Variants in SIK3 observed in about 807,000 individuals in gnomAD.
SIK3 encodes the protein serine/threonine-protein kinase SIK3.
A neutral mutation model predicts 144.2 loss-of-function variants in SIK3; 28 were observed. The observed-to-expected ratio is 0.19, with a 90% CI of 0.14 to 0.27. The LOEUF (loss-of-function observed/expected upper bound fraction) is 0.27, where lower values mean the gene tolerates loss of function less well. Among genes scored for constraint, SIK3 ranks in the 10% least tolerant of loss-of-function variants. The probability of loss-of-function intolerance (pLI) is 1.00; values close to 1 mark genes in which losing one functional copy is unlikely to be tolerated. For synonymous variants in SIK3, 686 were observed against 676.3 expected (o/e 1.01, Z -0.22); for missense variants, 1,319 against 1,776.0 (o/e 0.74, Z 4.62).
At chr11:117,058,095 A>G (rs552609793) in intron 1 of SIK3, among the ~76,000 whole-genome samples, 1 of 152,334 alleles carries the variant, frequency 6.6e-6, no homozygotes, top group Non-Finnish European at 1.5e-5. Context: ...CCAGCAGAGA[A>G]AAGAGCATAT....
intron 1 of SIK3, among the ~76,000 whole-genome samples, chr11:117,086,187 T>C (rs1954995003): frequency 6.6e-6 from 1 of 152,168 alleles, no homozygotes; most frequent in African/African-American, 2.4e-5. Context: ...ATGGCCCAAT[T>C]ACCCTTGAAA....
At chr11:117,052,631 C>CTTATA (rs1276804352) in intron 1 of SIK3, among the ~76,000 whole-genome samples, 4 of 152,178 alleles carry the variant, frequency 2.6e-5, no homozygotes, top group African/African-American at 9.6e-5. Context: ...AAACAAAAGT[C>CTTATA]TTATAGCAGC....
intron 4 of SIK3, among the ~76,000 whole-genome samples, chr11:116,908,283 C>T (rs1250056146): frequency 3.9e-5 from 6 of 152,128 alleles, no homozygotes; most frequent in Admixed American, 3.9e-4. Context: ...TAAGACCAGC[C>T]TGGGCAAATA....
chr11:116,990,380 A>G (rs940610126), intron 1 of SIK3, among the ~76,000 whole-genome samples: 1 of 152,172 alleles, frequency 6.6e-6, no homozygotes, highest in Non-Finnish European at 1.5e-5. Flanking sequence ...CCTTTGAGAG[A>G]TAGAGATAAT....
chr11:116,953,228 A>T (rs774919817), intron 3 of SIK3, among the ~76,000 whole-genome samples: 5 of 152,200 alleles, frequency 3.3e-5, no homozygotes, highest in Non-Finnish European at 7.3e-5. Context: ...TGTTTAAAAT[A>T]AAAATTAAAA....
intron 21 of SIK3, among the ~76,000 whole-genome samples, chr11:116,854,455 T>A (rs1305338179): frequency 6.6e-6 from 1 of 152,232 alleles, no homozygotes; most frequent in Admixed American, 6.5e-5. Flanking sequence ...CAGTGATACT[T>A]CTTGCAGCAC....
intron 1 of SIK3, among the ~76,000 whole-genome samples, chr11:117,075,736 G>T (rs983524766): frequency 1.3e-5 from 2 of 149,748 alleles, no homozygotes; most frequent in Admixed American, 6.7e-5. Flanking sequence ...GTAGAGATGG[G>T]GTTTCACAGT....
chr11:117,034,171 C>G (rs762276376), intron 1 of SIK3, among the ~76,000 whole-genome samples: 4 of 152,146 alleles, frequency 2.6e-5, no homozygotes, highest in Non-Finnish European at 5.9e-5. Context: ...TATAAGTTAT[C>G]ACATAGAACA....
chr11:117,011,457 C>T (rs548034535), intron 1 of SIK3, among the ~76,000 whole-genome samples: 4 of 152,210 alleles, frequency 2.6e-5, no homozygotes, highest in African/African-American at 7.2e-5. Context: ...AATTTCTGTC[C>T]ATTGTTACAC....
intron 1 of SIK3, among the ~76,000 whole-genome samples, chr11:117,077,937 G>A (rs1385491659): frequency 7.2e-5 from 11 of 152,148 alleles, no homozygotes; most frequent in African/African-American, 2.2e-4. Flanking sequence ...TAAAATCCAC[G>A]GTTAGGCTTT....
chr11:116,927,333 T>G lies in SIK3; in HGVS notation c.502A>C (p.Lys168Gln), dbSNP rs1243345431. ...ACAGCTGTGACGATCTGTTTGAACT[T>G]CCGACGTGCCTCCTTTTCTGCCATT... ...GRMAEKEARR[K>Q]FKQIVTAVYF... The change falls in exon 4 of 25, where the codon AAG becomes CAG. Residue 168 changes from lysine to glutamine, a missense_variant. Physicochemically the swap from Lys to Gln is moderately conservative, Grantham distance 53. Around this residue, in one of 8 missense-constraint regions of SIK3, gnomAD observed 125 missense variants for 285.2 expected, o/e 0.44. Coordinates refer to ENST00000445177, the MANE Select transcript of SIK3 (RefSeq NM_001366686.3). 4 of 1,613,950 alleles carry G rather than the reference T, an allele frequency of 2.5e-6. No individual in the cohort carries two copies. In the African/African-American group the frequency reaches 4.0e-5, roughly 16 times the overall value.
At position 116,861,759 on chromosome 11, in the gene SIK3, A is replaced by C; in HGVS notation, c.2315+82T>G. The C allele has an allele frequency of 5.8e-6, 5 of 861,926 alleles. No homozygotes were observed. In the South Asian group the frequency reaches 7.6e-5, roughly 13 times the overall value. The allele number at this position is 861,926 out of a possible 1,614,324, so 53.4% of individuals were successfully genotyped here. On this transcript the variant is annotated intron_variant, in intron 18 of 24. Coordinates refer to ENST00000445177, the MANE Select transcript of SIK3 (RefSeq NM_001366686.3). ...TTCTTGCAAGATGAATGCTCAAGTCAGTCCATATCTCCCAGTGAGTCAAGC... is the reference window on the plus strand; with the variant it reads ...TTCTTGCAAGATGAATGCTCAAGTCCGTCCATATCTCCCAGTGAGTCAAGC...
Position 116,849,220 on chromosome 11 carries a change from T to G in SIK3, c.3719A>C (p.His1240Pro), listed in dbSNP as rs759588622. 1 of 1,614,186 alleles carries G rather than the reference T, an allele frequency of 6.2e-7. No individual in the cohort carries two copies. The highest frequency in any genetic ancestry group is 8.5e-7 in the Non-Finnish European group (1 of 1,180,024). ...GCGTGCTGGGTACCCGAGCCCATTG[T>G]GATCCGGCAGCTCCACTGCTTGTCC... Reference protein sequence around the residue: ...SPGQAVELPDHNGLGYPARPS... With the variant: ...SPGQAVELPDPNGLGYPARPS... Residue 1240 changes from histidine (H) to proline (P), a missense_variant, in exon 22 of 25, where the codon CAC (histidine) becomes CCC (proline). His to Pro is a moderately conservative substitution (Grantham distance 77). Transcript: ENST00000445177. This position sits in a 1 kb window ranked among gnomAD's most constrained non-coding sequence, Gnocchi z 4.2.
At chr11:116,916,286 A>G (rs1352248839) in intron 4 of SIK3, among the ~76,000 whole-genome samples, 3 of 152,130 alleles carry the variant, frequency 2.0e-5, no homozygotes, top group African/African-American at 7.2e-5. Flanking sequence ...CCACTAGCAA[A>G]CTGTACTTTT....
intron 1 of SIK3, among the ~76,000 whole-genome samples, chr11:117,011,073 T>C (rs1951231630): frequency 1.3e-5 from 2 of 152,144 alleles, no homozygotes; most frequent in East Asian, 1.9e-4. Context: ...TGAGCCAAGA[T>C]TGCGCCACTG....
intron 1 of SIK3, among the ~76,000 whole-genome samples, chr11:117,057,808 T>TATA (rs1953607015): frequency 6.6e-6 from 1 of 152,200 alleles, no homozygotes; most frequent in African/African-American, 2.4e-5. Flanking sequence ...CAGATAATTC[T>TATA]AGGTCCTACT....
intron 6 of SIK3, among the ~76,000 whole-genome samples, chr11:116,885,838 C>G (rs752913634): frequency 6.6e-6 from 1 of 152,190 alleles, no homozygotes; most frequent in Non-Finnish European, 1.5e-5. Flanking sequence ...TGTTACTTAA[C>G]CTTATCATGC....
intron 1 of SIK3, among the ~76,000 whole-genome samples, chr11:116,996,819 CAAAAAAAAAAAA>C (rs11329513): frequency 0.17 from 9,850 of 59,358 alleles, 509 homozygotes; most frequent in Middle Eastern, 0.32. Flanking sequence ...GACTCTCTCT[CAAAAAAAAAAAA>C]AAAAAAAAAA....
chr11:116,846,270 T>G lies in SIK3; in HGVS notation c.*13+113A>C. On this transcript the variant is annotated intron_variant, in intron 24 of 24. Coordinates refer to ENST00000445177, the MANE Select transcript of SIK3 (RefSeq NM_001366686.3). This position sits in a 1 kb window ranked among gnomAD's most constrained non-coding sequence, Gnocchi z 4.1. The stretch of plus-strand genomic sequence containing the variant: ...ACTGTGAAGGCCACGAGGGGAGGCG[T>G]GGTACTGTCGACTGCACTGGCCACC... 9.3e-7 allele frequency: 1 copy of G among 1,071,588 alleles called. No homozygotes were observed. Among genetic ancestry groups the G allele is most frequent in the Non-Finnish European group, 1.4e-6 (1 of 735,060 alleles). 66.4% of individuals were successfully genotyped at this position (1,071,588 alleles called of 1,614,324 possible).
Sources: gnomAD v4.1 joint callset for allele counts (sites outside exome capture counted in the v4.1 genomes callset) on GRCh38, gnomAD v4.1.1 for gene constraint, gnomAD v4.1.1 regional missense constraint, Gnocchi (gnomAD v3.1) non-coding constraint, MANE v1.5 for transcripts, NCBI Gene and HGNC (gene_info 2026-07-23, HGNC 2026-07-21) for gene names.